The following HTR1F variants were observed in gnomAD, a reference collection of about 807,000 sequenced individuals.
The protein encoded by HTR1F is 5-hydroxytryptamine (serotonin) receptor 1F, G protein-coupled.
HTR1F carries 17 observed loss-of-function variants against 24.0 expected under a neutral mutation model. The observed-to-expected ratio is 0.71, with a 90% CI of 0.48 to 1.06. The LOEUF (loss-of-function observed/expected upper bound fraction) is 1.06, where lower values mean the gene tolerates loss of function less well. Ranked by LOEUF, HTR1F falls within the 50% of genes least tolerant of loss-of-function variation. HTR1F has a pLI of 0.00. For missense variants in HTR1F, 391 were observed against 427.8 expected, an observed-to-expected ratio of 0.91 and a Z score of 0.76; for synonymous variants, 186 against 156.8, an observed-to-expected ratio of 1.19 and a Z score of -1.39.
chr3:87,925,939 T>C (rs1248053768), intron 2 of HTR1F, among the ~76,000 whole-genome samples: 3 of 152,204 alleles, frequency 2.0e-5, no homozygotes, highest in African/African-American at 7.2e-5. Flanking sequence ...TTACTTGAAA[T>C]GTAGTTATGT....
chr3:87,928,000 C>A (rs1339233819), intron 2 of HTR1F, among the ~76,000 whole-genome samples: 1 of 151,420 alleles, frequency 6.6e-6, no homozygotes, highest in Non-Finnish European at 1.5e-5. Flanking sequence ...AAATCACTCT[C>A]TGTGCCTTAA....
At chr3:87,965,862 G>A (rs1013809695) in intron 2 of HTR1F, among the ~76,000 whole-genome samples, 3 of 152,160 alleles carry the variant, frequency 2.0e-5, no homozygotes, top group Non-Finnish European at 2.9e-5. Context: ...CCGGATTAGA[G>A]CCACATCAGC....
Position 87,991,512 on chromosome 3 carries a change from T to A in HTR1F, c.763T>A (p.Ser255Thr). Reference protein sequence around the residue: ...YVLEKSLSDPSTDFDKIHSTV... With the variant: ...YVLEKSLSDPTTDFDKIHSTV... ...ACTAGAAAAGTCTTTATCTGACCCATCAACAGACTTTGATAAAATTCATAG... is the reference window on the plus strand; with the variant it reads ...ACTAGAAAAGTCTTTATCTGACCCAACAACAGACTTTGATAAAATTCATAG... Residue 255 changes from serine to threonine, a missense_variant, in exon 3 of 3, where the codon TCA becomes ACA. Transcript: ENST00000319595. The A allele has an allele frequency of 6.2e-7, 1 of 1,613,674 alleles. No homozygotes were observed. The highest frequency in any genetic ancestry group is 8.5e-7 in the Non-Finnish European group (1 of 1,179,572).
intron 2 of HTR1F, among the ~76,000 whole-genome samples, chr3:87,822,994 A>C (rs1403205764): frequency 6.6e-6 from 1 of 152,170 alleles, no homozygotes; most frequent in East Asian, 1.9e-4. Flanking sequence ...TGAGTTAGTC[A>C]AAGAATGTTT....
chr3:87,939,741 G>A (rs78526481), intron 2 of HTR1F, among the ~76,000 whole-genome samples: 2 of 152,088 alleles, frequency 1.3e-5, no homozygotes, highest in African/African-American at 4.8e-5. Flanking sequence ...GTGTCTAATT[G>A]ATTCTTCTCT....
chr3:87,970,054 A>G (rs1705254150), intron 2 of HTR1F, among the ~76,000 whole-genome samples: 1 of 152,190 alleles, frequency 6.6e-6, no homozygotes. Flanking sequence ...AGTCTTTTAA[A>G]CTTCTCTTTC....
chr3:87,971,931 A>G (rs1009436141), intron 2 of HTR1F, among the ~76,000 whole-genome samples: 4 of 152,222 alleles, frequency 2.6e-5, no homozygotes, highest in African/African-American at 9.6e-5. Context: ...ATATACTTAT[A>G]GGGGAAGTTC....
At chr3:87,899,683 T>G (rs1377598540) in intron 2 of HTR1F, among the ~76,000 whole-genome samples, 3 of 151,984 alleles carry the variant, frequency 2.0e-5, no homozygotes, top group Non-Finnish European at 2.9e-5. Flanking sequence ...GCCAACATAG[T>G]GAAACCCCGT....
At chr3:87,882,204 G>C (rs1399690615) in intron 2 of HTR1F, among the ~76,000 whole-genome samples, 3 of 152,128 alleles carry the variant, frequency 2.0e-5, no homozygotes, top group Non-Finnish European at 4.4e-5. Context: ...AAAAAGTCAG[G>C]AAACAACAGG....
At chr3:87,860,698 C>T (rs1705299467) in intron 2 of HTR1F, among the ~76,000 whole-genome samples, 1 of 152,122 alleles carries the variant, frequency 6.6e-6, no homozygotes, top group African/African-American at 2.4e-5. Context: ...GAATTCATCT[C>T]AGTCATAGTT....
intron 2 of HTR1F, among the ~76,000 whole-genome samples, chr3:87,921,257 A>G (rs1487736500): frequency 6.6e-6 from 1 of 151,960 alleles, no homozygotes; most frequent in East Asian, 1.9e-4. Flanking sequence ...GTTTAAATAT[A>G]TTGATTGGAT....
chr3:87,837,693 ATATAT>A (rs1431860548), intron 2 of HTR1F, among the ~76,000 whole-genome samples: 3 of 152,066 alleles, frequency 2.0e-5, no homozygotes, highest in Non-Finnish European at 1.5e-5. Flanking sequence ...ATTATTAAAC[ATATAT>A]TATATAATGT....
intron 2 of HTR1F, among the ~76,000 whole-genome samples, chr3:87,908,091 AC>A (rs1703704203): frequency 6.6e-6 from 1 of 152,038 alleles, no homozygotes; most frequent in Non-Finnish European, 1.5e-5. Flanking sequence ...TTATACCAAC[AC>A]ATATAGAACA....
intron 2 of HTR1F, among the ~76,000 whole-genome samples, chr3:87,903,113 C>CA (rs1449920407): frequency 2.0e-5 from 3 of 152,040 alleles, no homozygotes; most frequent in Admixed American, 2.0e-4. Context: ...ACACCTTATA[C>CA]AAAAACTAAC....
chr3:87,868,409 T>C (rs1705473005), intron 2 of HTR1F, among the ~76,000 whole-genome samples: 1 of 152,022 alleles, frequency 6.6e-6, no homozygotes, highest in South Asian at 2.1e-4. Context: ...AAGGATTTTC[T>C]TAGAGAAAGA....
At chr3:87,859,684 T>C (rs1705275764) in intron 2 of HTR1F, among the ~76,000 whole-genome samples, 1 of 152,176 alleles carries the variant, frequency 6.6e-6, no homozygotes, top group South Asian at 2.1e-4. Context: ...GCCTGTGTGC[T>C]CTCCACAGTG....
intron 2 of HTR1F, among the ~76,000 whole-genome samples, chr3:87,941,297 G>T (rs959509032): frequency 6.6e-6 from 1 of 152,212 alleles, no homozygotes; most frequent in African/African-American, 2.4e-5. Flanking sequence ...TAATGCCAAG[G>T]AACCCTCTTA....
chr3:87,853,924 T>G (rs1350191890), intron 2 of HTR1F, among the ~76,000 whole-genome samples: 2 of 152,110 alleles, frequency 1.3e-5, no homozygotes, highest in African/African-American at 2.4e-5. Context: ...ATTTTTTTCT[T>G]GTAAAATTGT....
chr3:87,847,293 T>C (rs1052480004), intron 2 of HTR1F, among the ~76,000 whole-genome samples: 3 of 151,892 alleles, frequency 2.0e-5, no homozygotes, highest in South Asian at 2.1e-4. Context: ...TTTACTAGGG[T>C]TCTATTTGAC....
Sources: allele counts gnomAD v4.1 joint callset (sites outside exome capture counted in the v4.1 genomes callset), GRCh38; gene constraint gnomAD v4.1.1; transcripts MANE v1.5; gene names NCBI Gene and HGNC (gene_info 2026-07-23, HGNC 2026-07-21).